The following PPP2R2B variants were observed in gnomAD, a reference collection of about 807,000 sequenced individuals.
The protein encoded by PPP2R2B is protein phosphatase 2 regulatory subunit Bbeta.
PPP2R2B carries 5 observed loss-of-function variants against 46.0 expected under a neutral mutation model. The ratio of observed to expected loss-of-function variants is 0.11; its 90% CI spans 0.06 to 0.23. The LOEUF (loss-of-function observed/expected upper bound fraction) is 0.23, where lower values mean the gene tolerates loss of function less well. Among genes scored for constraint, PPP2R2B ranks in the 10% least tolerant of loss-of-function variants. The probability of loss-of-function intolerance (pLI) is 1.00; values close to 1 mark genes in which losing one functional copy is unlikely to be tolerated. For synonymous variants in PPP2R2B, 215 were observed against 206.7 expected (o/e 1.04, Z -0.34); for missense variants, 367 against 575.0 (o/e 0.64, Z 3.70).
At chr5:146,601,507 C>T (rs1771786036) in intron 7 of PPP2R2B, among the ~76,000 whole-genome samples, 1 of 152,128 alleles carries the variant, frequency 6.6e-6, no homozygotes, top group South Asian at 2.1e-4. Context: ...TATTGGGCCA[C>T]TGCACCCCAG....
At chr5:147,079,449 T>C (rs1580895069) in intron 2 of PPP2R2B, among the ~76,000 whole-genome samples, 3 of 129,282 alleles carry the variant, frequency 2.3e-5, no homozygotes, top group South Asian at 4.7e-4. Context: ...TATATACATA[T>C]ATATATATAT....
chr5:146,801,127 G>A (rs1428490797), intron 2 of PPP2R2B, among the ~76,000 whole-genome samples: 1 of 152,050 alleles, frequency 6.6e-6, no homozygotes, highest in African/African-American at 2.4e-5. Flanking sequence ...ATCTAAAATA[G>A]CTAAACATAA....
rs187519594 is a variant in PPP2R2B at position 146,997,464 on chromosome 5, C to A, written c.79+58201G>T. Among the ~76,000 whole-genome samples the A allele has an allele frequency of 8.7e-4, 133 of 152,310 alleles. 1 individual carries two copies. The highest frequency in any genetic ancestry group is 3.4e-3 in the Middle Eastern group (1 of 294). The stretch of plus-strand genomic sequence containing the variant: ...GCAAGCACAGCACCCATGGACATGG[C>A]CTTTCAGCTGTGCCTTACACATCCC... On this transcript the variant is annotated intron_variant, in intron 1 of 8. Transcript: ENST00000336640.
intron 5 of PPP2R2B, among the ~76,000 whole-genome samples, chr5:146,687,045 G>A (rs1778549185): frequency 6.6e-6 from 1 of 151,354 alleles, no homozygotes; most frequent in Non-Finnish European, 1.5e-5. Flanking sequence ...GTGTGTGGCA[G>A]GGACAGTGGT....
chr5:146,609,756 CT>C (rs1312220009), intron 7 of PPP2R2B, among the ~76,000 whole-genome samples: 1 of 140,830 alleles, frequency 7.1e-6, no homozygotes. Flanking sequence ...AATCGGGTCA[CT>C]CCCACCCGAA....
chr5:146,725,079 A>C (rs1457304549), intron 2 of PPP2R2B, among the ~76,000 whole-genome samples: 1 of 152,148 alleles, frequency 6.6e-6, no homozygotes, highest in African/African-American at 2.4e-5. Context: ...CCTCAGCAGC[A>C]TTTTTAGTGA....
rs142205607 is a variant in PPP2R2B, at chr5:146,763,384, CT to C, written c.71-62243del. Among the ~76,000 whole-genome samples, 986 of 152,234 alleles carry C rather than the reference CT, an allele frequency of 6.5e-3. 14 individuals are homozygous for C. The highest frequency in any genetic ancestry group is 0.022 in the African/African-American group (920 of 41,530). On this transcript the variant is annotated intron_variant, in intron 2 of 9. Coordinates refer to ENST00000394411, the MANE Select transcript of PPP2R2B (RefSeq NM_181675.4). ...TCTTCCGGTATGTTTCTCAACCTCT[CT>C]GAGCCTCTGGTTTCTTGTTTGGAAA...
rs1421968219 is a variant in PPP2R2B, at chr5:146,878,379, G to C, written c.-124-184C>G. 20 of 1,431,680 alleles carry C rather than the reference G, an allele frequency of 1.4e-5. No homozygotes were observed. Among genetic ancestry groups the C allele is most frequent in the Non-Finnish European group, 1.6e-5 (18 of 1,099,052 alleles). The allele number at this position is 1,431,680 out of a possible 1,614,324, so 88.7% of individuals were successfully genotyped here. On this transcript the variant is annotated intron_variant, in intron 1 of 9. Transcript: ENST00000394411. This position sits in a 1 kb window ranked among gnomAD's most constrained non-coding sequence, Gnocchi z 4.5. ...CTGCCTCCGGGTGCCAAGATACGCC[G>C]TGCCCCGAGGGGTCTGGTCCCGCCC... is the stretch of plus-strand genomic sequence containing the variant.
chr5:146,852,469 G>C (rs567394227), intron 2 of PPP2R2B, among the ~76,000 whole-genome samples: 7 of 152,090 alleles, frequency 4.6e-5, no homozygotes, highest in African/African-American at 1.7e-4. Flanking sequence ...GCTCAGTCAA[G>C]TTTCCAAAAG....
intron 1 of PPP2R2B, among the ~76,000 whole-genome samples, chr5:147,000,768 T>C (rs1434048510): frequency 1.3e-5 from 2 of 151,962 alleles, no homozygotes; most frequent in Non-Finnish European, 2.9e-5. Context: ...GAGTACATAG[T>C]GTGTGGTTTT....
chr5:146,600,268 T>A (rs771831241), intron 8 of PPP2R2B, 23 bp downstream of exon 8: 9 of 1,610,944 alleles, frequency 5.6e-6, no homozygotes, highest in Non-Finnish European at 6.8e-6. Context: ...TCAATATACC[T>A]ATGGGTGCCT....
chr5:146,895,298 GC>G (rs1279370697), intron 1 of PPP2R2B, among the ~76,000 whole-genome samples: 1 of 152,122 alleles, frequency 6.6e-6, no homozygotes, highest in African/African-American at 2.4e-5. Flanking sequence ...AGACAAGTCG[GC>G]CCCCTGCCAT....
chr5:146,934,468 C>A (rs888177493), intron 1 of PPP2R2B, among the ~76,000 whole-genome samples: 4 of 150,246 alleles, frequency 2.7e-5, no homozygotes, highest in African/African-American at 9.8e-5. Context: ...TTTTTGGCTG[C>A]ATAAATGTCT....
intron 2 of PPP2R2B, among the ~76,000 whole-genome samples, chr5:146,837,930 T>G (rs1759391615): frequency 6.6e-6 from 1 of 152,078 alleles, no homozygotes; most frequent in Admixed American, 6.6e-5. Context: ...GGAATCTGAG[T>G]TGAGTTCCGG....
intron 1 of PPP2R2B, among the ~76,000 whole-genome samples, chr5:147,010,019 TAATC>T (rs1280966197): frequency 3.3e-5 from 5 of 152,110 alleles, no homozygotes; most frequent in East Asian, 1.9e-4. Flanking sequence ...TTAAGAATCT[TAATC>T]AAGAGCAAAG....
intron 2 of PPP2R2B, among the ~76,000 whole-genome samples, chr5:146,832,686 C>T (rs578151297): frequency 2.0e-5 from 3 of 151,940 alleles, no homozygotes; most frequent in Admixed American, 1.3e-4. Flanking sequence ...CCACTGTGCC[C>T]GGCCATTTTT....
intron 2 of PPP2R2B, among the ~76,000 whole-genome samples, chr5:147,062,907 T>C (rs979247800): frequency 4.3e-5 from 6 of 139,914 alleles, no homozygotes; most frequent in African/African-American, 1.6e-4. Flanking sequence ...TCCTAGGACA[T>C]GGTGCCAAGG....
At chr5:146,660,442 T>C (rs1309117970) in intron 5 of PPP2R2B, among the ~76,000 whole-genome samples, 1 of 152,156 alleles carries the variant, frequency 6.6e-6, no homozygotes, top group Non-Finnish European at 1.5e-5. Flanking sequence ...CCTCAAAGAA[T>C]TAGTGGAGCG....
chr5:146,874,513 C>A (rs114005943), intron 2 of PPP2R2B, among the ~76,000 whole-genome samples: 1,597 of 152,260 alleles, frequency 0.01, 32 homozygotes, highest in African/African-American at 0.037. Context: ...AGGCATATCC[C>A]GAGTGCTTGA....
Sources: allele counts gnomAD v4.1 joint callset (sites outside exome capture counted in the v4.1 genomes callset), GRCh38; gene constraint gnomAD v4.1.1; non-coding constraint Gnocchi (gnomAD v3.1); transcripts MANE v1.5; gene names NCBI Gene and HGNC (gene_info 2026-07-23, HGNC 2026-07-21).